TMEM117: variants seen among roughly 807,000 people sequenced by gnomAD.
The protein encoded by TMEM117 is transmembrane protein 117.
In TMEM117, 27 loss-of-function variants were observed where a neutral mutation model predicts 52.4. The observed-to-expected ratio is 0.51, with a 90% CI of 0.38 to 0.71. The LOEUF is 0.71. Among genes scored for constraint, TMEM117 ranks in the 30% least tolerant of loss-of-function variants. TMEM117 has a pLI of 0.00. For synonymous variants in TMEM117, 215 were observed against 206.3 expected (o/e 1.04, Z -0.36); for missense variants, 556 against 630.5 (o/e 0.88, Z 1.26).
At chr12:44,178,676 A>G (rs953134758) in intron 4 of TMEM117, among the ~76,000 whole-genome samples, 1 of 152,214 alleles carries the variant, frequency 6.6e-6, no homozygotes, top group African/African-American at 2.4e-5. Context: ...TCTATTATGT[A>G]AAAGATACAA....
the TMEM117 span, among the ~76,000 whole-genome samples, chr12:44,396,548 ATG>A: frequency 6.6e-6 from 1 of 152,082 alleles, no homozygotes; most frequent in Non-Finnish European, 1.5e-5. Context: ...AAGTGAAATA[ATG>A]TACTTAGAAT....
chr12:44,295,677 GT>G (rs139314147), intron 5 of TMEM117, among the ~76,000 whole-genome samples: 5,370 of 140,380 alleles, frequency 0.038, 111 homozygotes, highest in Middle Eastern at 0.14. Flanking sequence ...CAGGATTTCT[GT>G]TTTTTTTTTT....
chr12:43,955,355 CTTTG>C (rs1407948138), intron 3 of TMEM117, among the ~76,000 whole-genome samples: 1 of 152,124 alleles, frequency 6.6e-6, no homozygotes, highest in Non-Finnish European at 1.5e-5. Context: ...GTCAATTTGT[CTTTG>C]TTTGCAGATG....
At chr12:44,152,513 T>A (rs1281163661) in intron 4 of TMEM117, among the ~76,000 whole-genome samples, 1 of 110,442 alleles carries the variant, frequency 9.1e-6, no homozygotes, top group African/African-American at 3.8e-5. Context: ...ATATCATATA[T>A]AAATTTATAT....
intron 3 of TMEM117, among the ~76,000 whole-genome samples, chr12:43,959,342 G>T (rs1945363937): frequency 6.6e-6 from 1 of 152,150 alleles, no homozygotes; most frequent in Non-Finnish European, 1.5e-5. Flanking sequence ...AGACTCTCTG[G>T]TTTGTAGCTT....
intron 6 of TMEM117, among the ~76,000 whole-genome samples, chr12:44,326,836 A>C (rs1951201647): frequency 6.6e-6 from 1 of 152,220 alleles, no homozygotes; most frequent in Non-Finnish European, 1.5e-5. Context: ...CTTAAAATTC[A>C]GTAGGTTCAC....
At chr12:44,033,481 C>T (rs1946664404) in intron 3 of TMEM117, among the ~76,000 whole-genome samples, 2 of 152,138 alleles carry the variant, frequency 1.3e-5, no homozygotes, top group Non-Finnish European at 2.9e-5. Flanking sequence ...TAATAATGTG[C>T]CAGTTTTGAA....
the TMEM117 span, among the ~76,000 whole-genome samples, chr12:43,813,231 G>GCTTTTTTTTTTTTTT: frequency 3.7e-4 from 23 of 62,666 alleles, 1 homozygote; most frequent in African/African-American, 1.3e-3. Flanking sequence ...GTTTTCTCTT[G>GCTTTTTTTTTTTTTT]TTTTTTTTTT....
the TMEM117 span, among the ~76,000 whole-genome samples, chr12:43,828,464 G>T: frequency 6.6e-6 from 1 of 152,192 alleles, no homozygotes; most frequent in African/African-American, 2.4e-5. Context: ...AATACTAGGG[G>T]TAGGGGGTTG....
chr12:43,979,706 G>T (rs1945729212), intron 3 of TMEM117, among the ~76,000 whole-genome samples: 1 of 152,120 alleles, frequency 6.6e-6, no homozygotes, highest in Non-Finnish European at 1.5e-5. Flanking sequence ...CCATTTGCAA[G>T]ATCTTTTGGG....
intron 5 of TMEM117, among the ~76,000 whole-genome samples, chr12:44,270,900 TTATC>T (rs1406808504): frequency 6.6e-6 from 1 of 152,138 alleles, no homozygotes; most frequent in Non-Finnish European, 1.5e-5. Context: ...ATAATTATGT[TTATC>T]TAATTTTTGT....
intron 5 of TMEM117, among the ~76,000 whole-genome samples, chr12:44,218,172 C>T (rs1001565301): frequency 1.3e-5 from 2 of 151,554 alleles, no homozygotes; most frequent in East Asian, 1.9e-4. Flanking sequence ...TGCAGTGAGC[C>T]GAGATTGCAC....
At chr12:44,216,304 C>A (rs938617491) in intron 5 of TMEM117, among the ~76,000 whole-genome samples, 3 of 152,078 alleles carry the variant, frequency 2.0e-5, no homozygotes, top group Middle Eastern at 3.2e-3. Flanking sequence ...CCACTCTCAG[C>A]CAAAAGGAGC....
chr12:44,346,309 T>C (rs538645306), intron 6 of TMEM117, among the ~76,000 whole-genome samples: 1 of 152,258 alleles, frequency 6.6e-6, no homozygotes, highest in African/African-American at 2.4e-5. Flanking sequence ...ATTTTACCTA[T>C]ACAACTTTCT....
intron 5 of TMEM117, among the ~76,000 whole-genome samples, chr12:44,273,927 C>T (rs1174782517): frequency 6.6e-6 from 1 of 152,076 alleles, no homozygotes; most frequent in East Asian, 1.9e-4. Flanking sequence ...AGAATGCCCA[C>T]TTTCAACACT....
chr12:44,391,380 G>A (rs1451784748), downstream of TMEM117, among the ~76,000 whole-genome samples: 4 of 152,020 alleles, frequency 2.6e-5, no homozygotes, highest in Non-Finnish European at 4.4e-5. Flanking sequence ...TTTTAGCATA[G>A]CTGAGATCAC....
intron 5 of TMEM117, among the ~76,000 whole-genome samples, chr12:44,273,497 G>C (rs1337058792): frequency 6.6e-6 from 1 of 151,900 alleles, no homozygotes; most frequent in East Asian, 1.9e-4. Flanking sequence ...ACCAAAATCA[G>C]ACAAGAACAC....
At chr12:44,132,710 T>C (rs966269805) in intron 3 of TMEM117, among the ~76,000 whole-genome samples, 2 of 152,186 alleles carry the variant, frequency 1.3e-5, no homozygotes, top group African/African-American at 4.8e-5. Flanking sequence ...CTGCAGTTTT[T>C]TTTAAATTCC....
At chr12:44,363,342 T>C (rs1951747782) in intron 6 of TMEM117, among the ~76,000 whole-genome samples, 1 of 152,192 alleles carries the variant, frequency 6.6e-6, no homozygotes, top group African/African-American at 2.4e-5. Context: ...GATCATTGAA[T>C]AGTGGTCATT....
Sources: gnomAD v4.1 joint callset for allele counts (sites outside exome capture counted in the v4.1 genomes callset) on GRCh38, gnomAD v4.1.1 for gene constraint, MANE v1.5 for transcripts, NCBI Gene and HGNC (gene_info 2026-07-23, HGNC 2026-07-21) for gene names.